Variants in CELF1 observed in about 807,000 individuals in gnomAD.
The protein encoded by CELF1 is 50 kDa nuclear polyadenylated RNA-binding protein.
Under a neutral mutation model 61.8 loss-of-function variants are expected in CELF1, and 10 were observed. That is an observed-to-expected ratio of 0.16 (90% CI 0.10 to 0.27). The LOEUF (loss-of-function observed/expected upper bound fraction) is 0.27. Among genes scored for constraint, CELF1 ranks in the 10% least tolerant of loss-of-function variants. The probability of loss-of-function intolerance (pLI) is 1.00; values close to 1 mark genes in which losing one functional copy is unlikely to be tolerated. For synonymous variants in CELF1, 236 were observed against 225.1 expected, an observed-to-expected ratio of 1.05 and a Z score of -0.43; for missense variants, 380 against 639.1, an observed-to-expected ratio of 0.59 and a Z score of 4.37.
chr11:47,502,662 C>A (rs1394576549), intron 1 of CELF1, among the ~76,000 whole-genome samples: 1 of 152,074 alleles, frequency 6.6e-6, no homozygotes, highest in Non-Finnish European at 1.5e-5. Flanking sequence ...GAAACCCTGT[C>A]TCTACTAAAA....
In CELF1 at chr11:47,486,731, A is replaced by G; in HGVS notation, c.391+19T>C. On this transcript the variant is annotated intron_variant, in intron 6 of 14. Transcript: ENST00000687097. ...CCTAGGCAGAAATCTTAAGGGGAAGATTGTATACATTTGCTTACCATTGTT... is the reference window on the plus strand; with the variant it reads ...CCTAGGCAGAAATCTTAAGGGGAAGGTTGTATACATTTGCTTACCATTGTT... 2 of 1,606,264 alleles carry G rather than the reference A, an allele frequency of 1.2e-6. No homozygotes were observed. Among genetic ancestry groups the G allele is most frequent in the Non-Finnish European group, 1.7e-6 (2 of 1,172,808 alleles).
At chr11:47,548,276 G>T (rs968412613) in intron 1 of CELF1, among the ~76,000 whole-genome samples, 1 of 152,030 alleles carries the variant, frequency 6.6e-6, no homozygotes, top group Non-Finnish European at 1.5e-5. Context: ...TCTAGGCTGG[G>T]TGACAGAGTG....
At chr11:47,542,028 T>C (rs2096820103) in intron 1 of CELF1, among the ~76,000 whole-genome samples, 1 of 152,084 alleles carries the variant, frequency 6.6e-6, no homozygotes, top group Non-Finnish European at 1.5e-5. Context: ...TGAATGTAGC[T>C]ATAAAAAGAA....
intron 1 of CELF1, among the ~76,000 whole-genome samples, chr11:47,516,682 T>A (rs1418529752): frequency 6.6e-6 from 1 of 151,734 alleles, no homozygotes; most frequent in Non-Finnish European, 1.5e-5. Context: ...CTCACTGCAA[T>A]CTCTGCCTCC....
At chr11:47,528,292 A>G (rs2096330666) in intron 1 of CELF1, among the ~76,000 whole-genome samples, 1 of 152,132 alleles carries the variant, frequency 6.6e-6, no homozygotes, top group African/African-American at 2.4e-5. Flanking sequence ...GTCCATATGT[A>G]TGGCCCATTG....
intron 1 of CELF1, among the ~76,000 whole-genome samples, chr11:47,522,894 G>C (rs1204438351): frequency 6.6e-6 from 1 of 151,586 alleles, no homozygotes; most frequent in East Asian, 1.9e-4. Context: ...AAAAAAATTG[G>C]GTACCTGAGA....
chr11:47,563,360 C>G (rs4752850), intron 2 of CELF1, among the ~76,000 whole-genome samples: 151,578 of 152,330 alleles, frequency 1, 75,421 homozygotes, highest in Middle Eastern at 1. Flanking sequence ...TCTGCTAATT[C>G]ATAAGGGGCT....
At chr11:47,522,731 CAGG>C (rs2096002256) in intron 1 of CELF1, among the ~76,000 whole-genome samples, 1 of 149,004 alleles carries the variant, frequency 6.7e-6, no homozygotes, top group Non-Finnish European at 1.5e-5. Context: ...GAGGCTGAGG[CAGG>C]AGAATTGCTT....
chr11:47,550,889 A>G (rs1272569088), intron 1 of CELF1, among the ~76,000 whole-genome samples: 3 of 152,208 alleles, frequency 2.0e-5, no homozygotes, highest in East Asian at 1.9e-4. Context: ...ACTGAGGAGC[A>G]GAACAGTTGA....
intron 7 of CELF1, among the ~76,000 whole-genome samples, 193 bp downstream of exon 7, chr11:47,484,196 C>T (rs1235456594): frequency 6.6e-6 from 1 of 151,798 alleles, no homozygotes; most frequent in Admixed American, 6.6e-5. Flanking sequence ...AGCTGGGTGT[C>T]ATGATGCATG....
intron 3 of CELF1, chr11:47,494,608 G>A (rs1242050146): frequency 2.3e-6 from 1 of 427,846 alleles, no homozygotes; most frequent in Non-Finnish European, 3.1e-6. Context: ...CCTATCTCAG[G>A]GGCAGCACAA....
At chr11:47,516,896 C>A (rs552446893) in intron 1 of CELF1, among the ~76,000 whole-genome samples, 1 of 152,166 alleles carries the variant, frequency 6.6e-6, no homozygotes, top group South Asian at 2.1e-4. Context: ...AGCCACCACG[C>A]CCAGCTCACT....
intron 1 of CELF1, among the ~76,000 whole-genome samples, chr11:47,506,009 T>G (rs968331117): frequency 6.6e-6 from 1 of 150,824 alleles, no homozygotes; most frequent in East Asian, 1.9e-4. Context: ...TGGAATCTAC[T>G]AAGTTCCGTC....
chr11:47,481,083 TTTTTTTTTTTTTCTTCTTC>T (rs1386928010), intron 9 of CELF1, among the ~76,000 whole-genome samples: 1 of 104,030 alleles, frequency 9.6e-6, no homozygotes, highest in African/African-American at 3.0e-5. Context: ...AAACTGGGGT[TTTTTTTTTTTTTCTTCTTC>T]TTTTTTTTTT....
Position 47,477,462 on chromosome 11 carries a change from A to C in CELF1, c.845-37T>G, listed in dbSNP as rs775610867. The C allele has an allele frequency of 9.3e-6, 15 of 1,607,394 alleles. No homozygotes were observed. In the South Asian group the frequency reaches 1.5e-4, roughly 17 times the overall value. On this transcript the variant is annotated intron_variant, in intron 10 of 14. Coordinates refer to ENST00000687097, the MANE Select transcript of CELF1 (RefSeq NM_001376376.1). ...AAAGCAAGAGATTAGCCAGCAGATA[A>C]GGGTGCTTCATATCCATTCCAGCAA...
intron 1 of CELF1, among the ~76,000 whole-genome samples, chr11:47,540,407 A>G (rs570504414): frequency 2.6e-4 from 40 of 152,318 alleles, no homozygotes; most frequent in African/African-American, 9.6e-4. Flanking sequence ...CTTCCAGTAA[A>G]ATATCCTTGT....
chr11:47,479,621 T>C (rs148362362), intron 9 of CELF1, among the ~76,000 whole-genome samples: 9 of 152,368 alleles, frequency 5.9e-5, no homozygotes, highest in African/African-American at 2.2e-4. Context: ...CCTTCAATGA[T>C]GGTCCCATGA....
intron 11 of CELF1, 66 bp downstream of exon 11, chr11:47,477,231 C>A: frequency 6.4e-7 from 1 of 1,572,268 alleles, no homozygotes; most frequent in Non-Finnish European, 8.7e-7. Context: ...TCTCTGGACT[C>A]TGCCTTTAAA....
At chr11:47,509,145 T>G (rs1789870342) in intron 1 of CELF1, among the ~76,000 whole-genome samples, 1 of 152,168 alleles carries the variant, frequency 6.6e-6, no homozygotes, top group Admixed American at 6.5e-5. Flanking sequence ...GCCTATTCTG[T>G]GAGAAAACTG....
Sources: gnomAD v4.1 joint callset for allele counts (sites outside exome capture counted in the v4.1 genomes callset) on GRCh38, gnomAD v4.1.1 for gene constraint, MANE v1.5 for transcripts, NCBI Gene and HGNC (gene_info 2026-07-23, HGNC 2026-07-21) for gene names.